LHFPL3: variants seen among roughly 807,000 people sequenced by gnomAD.
The protein encoded by LHFPL3 is LHFPL tetraspan subfamily member 3 protein.
In LHFPL3, 5 loss-of-function variants were observed where a neutral mutation model predicts 19.3. That is an observed-to-expected ratio of 0.26 (90% confidence interval 0.14 to 0.54). The LOEUF is 0.54. LHFPL3 is among the 20% of genes least tolerant of loss of function. The pLI, the probability that LHFPL3 is intolerant of heterozygous loss-of-function variation, is 0.94. For synonymous variants in LHFPL3, 133 were observed against 126.2 expected (o/e 1.05, Z -0.36); for missense variants, 249 against 307.4 (o/e 0.81, Z 1.42).
rs545057669 is a variant in LHFPL3 at position 104,879,440 on chromosome 7, C to G, written c.683-26747C>G. ...CAAAAAAAAAAAATTTTAAGGTGGACTAGGGGCAATATCTCATGACTGTAA... is the reference window on the plus strand; with the variant it reads ...CAAAAAAAAAAAATTTTAAGGTGGAGTAGGGGCAATATCTCATGACTGTAA... On this transcript the variant is annotated intron_variant, in intron 2 of 2. Coordinates refer to ENST00000424859, the MANE Select transcript of LHFPL3 (RefSeq NM_199000.3). 2.0e-5 allele frequency among the ~76,000 whole-genome samples: 3 copies of G among 152,004 alleles called. No homozygotes were observed. In the South Asian group the frequency reaches 6.2e-4, roughly 32 times the overall value.
intron 2 of LHFPL3, among the ~76,000 whole-genome samples, chr7:104,792,054 A>C (rs1282093264): frequency 1.3e-5 from 2 of 152,184 alleles, no homozygotes; most frequent in Non-Finnish European, 2.9e-5. Context: ...AATACTGGTG[A>C]TGAAAGAAAA....
At chr7:104,618,920 G>A (rs565231383) in intron 1 of LHFPL3, among the ~76,000 whole-genome samples, 1 of 152,202 alleles carries the variant, frequency 6.6e-6, no homozygotes, top group Non-Finnish European at 1.5e-5. Flanking sequence ...TAATGGAATG[G>A]ATCCTGGAAT....
chr7:104,342,249 C>G (rs947105375), intron 1 of LHFPL3, among the ~76,000 whole-genome samples: 1 of 151,908 alleles, frequency 6.6e-6, no homozygotes, highest in Non-Finnish European at 1.5e-5. Context: ...TCTTGGTGGT[C>G]ATGAACTATG....
intron 1 of LHFPL3, among the ~76,000 whole-genome samples, chr7:104,521,694 AAAAC>A (rs1181615355): frequency 4.8e-4 from 73 of 152,320 alleles, no homozygotes; most frequent in South Asian, 1.7e-3. Flanking sequence ...TTACAAGAAA[AAAAC>A]AAACAACCCC....
chr7:104,899,615 A>G (rs1308366926), intron 2 of LHFPL3, among the ~76,000 whole-genome samples: 2 of 152,206 alleles, frequency 1.3e-5, no homozygotes, highest in Non-Finnish European at 2.9e-5. Context: ...CAATGAACAG[A>G]GATGAATTTA....
chr7:104,389,457 A>T (rs1273906010), intron 1 of LHFPL3, among the ~76,000 whole-genome samples: 14 of 152,136 alleles, frequency 9.2e-5, no homozygotes, highest in Non-Finnish European at 1.5e-5. Context: ...TAACCTACAG[A>T]CTCAATGCAA....
intron 1 of LHFPL3, among the ~76,000 whole-genome samples, chr7:104,344,435 C>A (rs898250499): frequency 6.6e-6 from 1 of 152,112 alleles, no homozygotes; most frequent in African/African-American, 2.4e-5. Context: ...CCTTCTGAAT[C>A]TCCAAAGACC....
At chr7:104,428,840 A>G (rs1185563265) in intron 1 of LHFPL3, among the ~76,000 whole-genome samples, 12 of 152,208 alleles carry the variant, frequency 7.9e-5, no homozygotes, top group African/African-American at 2.4e-5. Context: ...TCTAATAGAT[A>G]ATTATTTGAA....
At chr7:104,617,606 A>T (rs1237571534) in intron 1 of LHFPL3, among the ~76,000 whole-genome samples, 1 of 152,236 alleles carries the variant, frequency 6.6e-6, no homozygotes, top group African/African-American at 2.4e-5. Flanking sequence ...TCTAATGTTC[A>T]GATATTTCCA....
chr7:104,572,467 C>A (rs575404801), intron 1 of LHFPL3, among the ~76,000 whole-genome samples: 3 of 152,166 alleles, frequency 2.0e-5, no homozygotes, highest in Non-Finnish European at 4.4e-5. Context: ...AATTTTATGG[C>A]TTTATGGACT....
intron 2 of LHFPL3, among the ~76,000 whole-genome samples, chr7:104,835,951 A>C (rs1343090971): frequency 6.6e-6 from 1 of 151,908 alleles, no homozygotes; most frequent in Non-Finnish European, 1.5e-5. Context: ...ACAGAAAATA[A>C]ATAAACGTAA....
chr7:104,673,961 G>GCT (rs1792536750), intron 1 of LHFPL3, among the ~76,000 whole-genome samples: 4 of 150,590 alleles, frequency 2.7e-5, no homozygotes, highest in African/African-American at 9.8e-5. Flanking sequence ...GAAGAAACTG[G>GCT]GTGCTGGAAA....
At chr7:104,464,369 G>A (rs1792735127) in intron 1 of LHFPL3, among the ~76,000 whole-genome samples, 1 of 152,112 alleles carries the variant, frequency 6.6e-6, no homozygotes. Context: ...TACCATTCTT[G>A]GATCTGAAGA....
chr7:104,868,522 C>T (rs1192180153), intron 2 of LHFPL3, among the ~76,000 whole-genome samples: 68 of 151,542 alleles, frequency 4.5e-4, no homozygotes, highest in South Asian at 2.1e-4. Flanking sequence ...TTACAAGGGA[C>T]GTGAAGGACC....
At chr7:104,668,480 T>A in intron 1 of LHFPL3, 1 of 1,612,790 alleles carries the variant, frequency 6.2e-7, no homozygotes. Context: ...CACGCCGGGA[T>A]ATGGATCGAT....
At chr7:104,354,804 A>ATTTTATAATG in intron 1 of LHFPL3, among the ~76,000 whole-genome samples, 1 of 152,328 alleles carries the variant, frequency 6.6e-6, no homozygotes, top group East Asian at 1.9e-4. Context: ...TAGTAGGCAC[A>ATTTTATAATG]TTATAAAAAG....
chr7:104,334,582 G>A (rs1584593447), intron 1 of LHFPL3, among the ~76,000 whole-genome samples: 2 of 152,282 alleles, frequency 1.3e-5, no homozygotes, highest in South Asian at 4.1e-4. Flanking sequence ...GTGGCAAGAA[G>A]TGAATGCTGT....
chr7:104,606,050 AG>A (rs1172896588), intron 1 of LHFPL3, among the ~76,000 whole-genome samples: 2 of 152,158 alleles, frequency 1.3e-5, no homozygotes, highest in Non-Finnish European at 2.9e-5. Context: ...TTTTGGAAAC[AG>A]GGTCTCATTA....
intron 2 of LHFPL3, among the ~76,000 whole-genome samples, chr7:104,864,583 T>A (rs148263127): frequency 6.6e-6 from 1 of 152,052 alleles, no homozygotes; most frequent in East Asian, 1.9e-4. Flanking sequence ...GCGCCCGCCA[T>A]TGCAGACCAG....
Sources: allele counts gnomAD v4.1 joint callset (sites outside exome capture counted in the v4.1 genomes callset), GRCh38; gene constraint gnomAD v4.1.1; transcripts MANE v1.5; gene names NCBI Gene and HGNC (gene_info 2026-07-23, HGNC 2026-07-21).